CSTA: variants seen among roughly 807,000 people sequenced by gnomAD.
CSTA encodes the protein cystatin A.
Under a neutral mutation model 9.2 loss-of-function variants are expected in CSTA, and 9 were observed. That is an observed-to-expected ratio of 0.97 (90% CI 0.59 to 1.70). The LOEUF (loss-of-function observed/expected upper bound fraction) is 1.70. Ranked by LOEUF, CSTA falls within the 40% of genes most tolerant of loss-of-function variation. The pLI is 0.00. For synonymous variants in CSTA, 36 were observed against 40.6 expected (o/e 0.89, Z 0.43); for missense variants, 118 against 113.1 (o/e 1.04, Z -0.20).
At chr3:122,333,589 AAGAAGAAAGAG>A (rs2075218591) in intron 1 of CSTA, among the ~76,000 whole-genome samples, 1 of 147,380 alleles carries the variant, frequency 6.8e-6, no homozygotes, top group African/African-American at 2.5e-5. Flanking sequence ...GAAAGAAAGA[AAGAAGAAAGAG>A]AGAGAGAGGA....
At chr3:122,339,906 C>G (rs1043984301) in intron 2 of CSTA, among the ~76,000 whole-genome samples, 1 of 152,198 alleles carries the variant, frequency 6.6e-6, no homozygotes, top group Admixed American at 6.5e-5. Flanking sequence ...TAGAGGCTAA[C>G]AGATCTGGGT....
chr3:122,326,177 C>T (rs2075169914), intron 1 of CSTA, among the ~76,000 whole-genome samples: 1 of 152,108 alleles, frequency 6.6e-6, no homozygotes, highest in Non-Finnish European at 1.5e-5. Flanking sequence ...TGCCACCACG[C>T]CTGGCTGATT....
At chr3:122,328,053 G>T (rs191813106) in intron 1 of CSTA, among the ~76,000 whole-genome samples, 4 of 152,272 alleles carry the variant, frequency 2.6e-5, no homozygotes, top group African/African-American at 9.6e-5. Context: ...TAAGTATTAA[G>T]AACAGCTACC....
intron 1 of CSTA, 104 bp downstream of exon 1, chr3:122,325,462 G>A (rs1389513912): frequency 2.6e-6 from 3 of 1,133,038 alleles, no homozygotes; most frequent in Non-Finnish European, 4.0e-6. Context: ...AGTTTAGGAT[G>A]TTTGTGGCTT....
chr3:122,327,786 T>C (rs2075179406), intron 1 of CSTA, among the ~76,000 whole-genome samples: 1 of 152,136 alleles, frequency 6.6e-6, no homozygotes, highest in African/African-American at 2.4e-5. Flanking sequence ...GGAACAGAGC[T>C]GTAGGAACAT....
intron 2 of CSTA, 96 bp downstream of exon 2, chr3:122,337,744 G>A (rs770388032): frequency 6.7e-5 from 61 of 917,172 alleles, no homozygotes; most frequent in Admixed American, 1.4e-4. Context: ...CCTTCCTTAC[G>A]GTTGTCCTAA....
At chr3:122,337,707 A>G in intron 2 of CSTA, 59 bp downstream of exon 2, 1 of 1,096,884 alleles carries the variant, frequency 9.1e-7, no homozygotes, top group Non-Finnish European at 1.4e-6. Context: ...TATGTAAAAT[A>G]TTCCCTGATT....
At position 122,337,619 on chromosome 3, in the gene CSTA, G is replaced by T. The variant is rs1559982616; in HGVS notation, c.139G>T (p.Val47Phe). 6.2e-7 allele frequency: 1 copy of T among 1,612,628 alleles called. No homozygotes were observed. Among genetic ancestry groups the T allele is most frequent in the African/African-American group, 1.3e-5 (1 of 75,012 alleles). ...KLEAVQYKTQ[V>F]VAGTNYYIKV... ...GGAAGCTGTGCAGTATAAAACTCAAGTTGTTGCTGGAACAAATTACTACAT... is the reference window on the plus strand; with the variant it reads ...GGAAGCTGTGCAGTATAAAACTCAATTTGTTGCTGGAACAAATTACTACAT... Residue 47 changes from valine (V) to phenylalanine (F), a missense_variant, in exon 2 of 3, where the codon GTT (valine) becomes TTT (phenylalanine). By Grantham distance (50) the Val-to-Phe change is conservative. Transcript: ENST00000264474.
intron 2 of CSTA, chr3:122,338,021 C>T (rs1229632016): frequency 5.3e-6 from 1 of 188,586 alleles, no homozygotes; most frequent in Non-Finnish European, 1.1e-5. Context: ...GATTCTACCT[C>T]AAAGCTGTAT....
chr3:122,337,815 G>C, intron 2 of CSTA, 167 bp downstream of exon 2: 1 of 658,012 alleles, frequency 1.5e-6, no homozygotes, highest in Non-Finnish European at 2.8e-6. Flanking sequence ...TAGATGATGT[G>C]ACACCATTTT....
At chr3:122,334,490 C>A (rs1425353163) in intron 1 of CSTA, among the ~76,000 whole-genome samples, 1 of 151,548 alleles carries the variant, frequency 6.6e-6, no homozygotes, top group Non-Finnish European at 1.5e-5. Flanking sequence ...TTTAAAAAAA[C>A]AAAAAACAAA....
intron 1 of CSTA, among the ~76,000 whole-genome samples, chr3:122,335,361 C>A (rs888165929): frequency 2.0e-5 from 3 of 152,118 alleles, no homozygotes; most frequent in African/African-American, 7.2e-5. Context: ...CTGGATTATC[C>A]AGGTAAGCCC....
At chr3:122,329,188 G>C (rs2075188481) in intron 1 of CSTA, among the ~76,000 whole-genome samples, 1 of 151,746 alleles carries the variant, frequency 6.6e-6, no homozygotes, top group South Asian at 2.1e-4. Flanking sequence ...GGATGGTCTC[G>C]ATCTCCTGAC....
At chr3:122,332,383 GC>G (rs1300470065) in intron 1 of CSTA, among the ~76,000 whole-genome samples, 3 of 151,992 alleles carry the variant, frequency 2.0e-5, no homozygotes, top group Non-Finnish European at 4.4e-5. Context: ...CATCTTACTG[GC>G]CCTACTGTCC....
intron 2 of CSTA, among the ~76,000 whole-genome samples, chr3:122,339,416 C>G (rs1239882085): frequency 6.6e-6 from 1 of 152,138 alleles, no homozygotes; most frequent in South Asian, 2.1e-4. Flanking sequence ...GGGTTACCAA[C>G]GAAAAAACTG....
chr3:122,338,207 T>C (rs1459051197), intron 2 of CSTA: 1 of 152,632 alleles, frequency 6.6e-6, no homozygotes, highest in Non-Finnish European at 1.5e-5. Context: ...GTATTTAAAA[T>C]AGTTTAAAAG....
chr3:122,336,651 C>T (rs1017123595), intron 1 of CSTA, among the ~76,000 whole-genome samples: 6 of 151,976 alleles, frequency 3.9e-5, no homozygotes, highest in African/African-American at 7.3e-5. Context: ...GAAAGTATGG[C>T]GAGAAACAAG....
chr3:122,337,424 A>C lies in CSTA; in HGVS notation c.67-123A>C, dbSNP rs547044690. The C allele has an allele frequency of 5.9e-6, 4 of 680,594 alleles. No individual in the cohort carries two copies. The Admixed American group carries it at 1.1e-4, about 18-fold the overall frequency. The allele number at this position is 680,594 out of a possible 1,614,324, so 42.2% of individuals were successfully genotyped here. ...TGTTTTCTATTGAAATAATAAAAAT[A>C]GTTCATAGATTTCATTACCATCTTT... On this transcript the variant is annotated intron_variant, in intron 1 of 2. Transcript: ENST00000264474.
chr3:122,327,682 GA>G (rs2107664899), intron 1 of CSTA, among the ~76,000 whole-genome samples: 1 of 151,944 alleles, frequency 6.6e-6, no homozygotes, highest in African/African-American at 2.4e-5. Context: ...AAATGAAAAA[GA>G]AATGTGCATA....
Sources: gnomAD v4.1 joint callset for allele counts (sites outside exome capture counted in the v4.1 genomes callset) on GRCh38, gnomAD v4.1.1 for gene constraint, MANE v1.5 for transcripts, NCBI Gene and HGNC (gene_info 2026-07-23, HGNC 2026-07-21) for gene names.